Variants in LPCAT2 observed in about 807,000 individuals in gnomAD.
LPCAT2 encodes lysophosphatidylcholine acyltransferase 2.
In LPCAT2, 58 loss-of-function variants were observed where a neutral mutation model predicts 64.7. The ratio of observed to expected loss-of-function variants is 0.90; its 90% confidence interval spans 0.73 to 1.12. LPCAT2 has a LOEUF of 1.12. LPCAT2 is among the 50% of genes most tolerant of loss of function. The pLI, the probability that LPCAT2 is intolerant of heterozygous loss-of-function variation, is 0.00. For synonymous variants in LPCAT2, 252 were observed against 245.3 expected (o/e 1.03, Z -0.26); for missense variants, 579 against 669.8 (o/e 0.86, Z 1.50).
At chr16:55,569,275 C>T (rs1963743500) in intron 11 of LPCAT2, among the ~76,000 whole-genome samples, 1 of 152,156 alleles carries the variant, frequency 6.6e-6, no homozygotes, top group African/African-American at 2.4e-5. Flanking sequence ...ACAGAGATCA[C>T]ATCCACTTTC....
At chr16:55,523,937 G>A (rs1963133891) in intron 1 of LPCAT2, among the ~76,000 whole-genome samples, 2 of 151,504 alleles carry the variant, frequency 1.3e-5, no homozygotes, top group South Asian at 4.2e-4. Flanking sequence ...TTTTTTTTAA[G>A]TCTACCAAAC....
At chr16:55,543,229 C>T (rs80158238) in intron 8 of LPCAT2, among the ~76,000 whole-genome samples, 2 of 152,136 alleles carry the variant, frequency 1.3e-5, no homozygotes, top group Non-Finnish European at 2.9e-5. Flanking sequence ...ATTTTGTACT[C>T]TCAGTGGAAC....
intron 11 of LPCAT2, among the ~76,000 whole-genome samples, chr16:55,551,969 A>G (rs760038738): frequency 1.3e-4 from 20 of 152,202 alleles, no homozygotes; most frequent in Non-Finnish European, 2.4e-4. Context: ...TGATAGTAAA[A>G]TGCACTCTTT....
In LPCAT2 at chr16:55,584,033, G is replaced by A. The variant is rs1377000320; in HGVS notation, c.*935G>A. On this transcript the variant is annotated 3_prime_UTR_variant, in exon 14 of 14. Coordinates refer to ENST00000262134, the MANE Select transcript of LPCAT2 (RefSeq NM_017839.5). ...CTAAGGAAATCATATCCTTTTACAT[G>A]AACTACAGGTTTAGAACTTGGTTTT... 1 of 152,090 alleles carries A rather than the reference G, an allele frequency of 6.6e-6. No homozygotes were observed. Among genetic ancestry groups the A allele is most frequent in the Non-Finnish European group, 1.5e-5 (1 of 68,014 alleles). The allele number at this position is 152,090 out of a possible 1,614,324, so 9.4% of individuals were successfully genotyped here.
Position 55,551,077 on chromosome 16 carries a change from G to A in LPCAT2, c.1190G>A (p.Arg397Lys). 1 of 1,612,474 alleles carries A rather than the reference G, an allele frequency of 6.2e-7. No individual in the cohort carries two copies. Among genetic ancestry groups the A allele is most frequent in the South Asian group, 1.1e-5 (1 of 90,918 alleles). Residue 397 changes from arginine to lysine, a missense_variant, in exon 11 of 14, where the codon AGA becomes AAA. Coordinates refer to ENST00000262134, the MANE Select transcript of LPCAT2 (RefSeq NM_017839.5). ...YLKLPVSDVL[R>K]QLFALFDRNH... ...AAGTTGCCTGTTTCAGATGTCTTGA[G>A]ACAACTTTTTGCACTCTTTGACAGG... is the stretch of plus-strand genomic sequence containing the variant.
At chr16:55,546,721 G>A (rs1000324958) in intron 9 of LPCAT2, among the ~76,000 whole-genome samples, 3 of 152,162 alleles carry the variant, frequency 2.0e-5, no homozygotes, top group Admixed American at 1.3e-4. Context: ...GCTATTAAGT[G>A]TATATAGATG....
At chr16:55,545,278 A>G (rs16955381) in intron 8 of LPCAT2, among the ~76,000 whole-genome samples, 3,130 of 152,308 alleles carry the variant, frequency 0.021, 49 homozygotes, top group South Asian at 0.032. Flanking sequence ...AATAGTAAAA[A>G]TATGGTTGAC....
rs1478449606 is a variant in LPCAT2 at position 55,583,198 on chromosome 16, T to C, written c.*100T>C. On this transcript the variant is annotated 3_prime_UTR_variant, in exon 14 of 14. Transcript: ENST00000262134. ...AATGTGTTGGTAATGATGTTTAAAA[T>C]TGAAAGATTTTTAAAACAAAAATGA... is the stretch of plus-strand genomic sequence containing the variant. 3 of 903,098 alleles carry C rather than the reference T, an allele frequency of 3.3e-6. No homozygotes were observed. Among genetic ancestry groups the C allele is most frequent in the Admixed American group, 3.1e-5 (1 of 32,508 alleles). The allele number at this position is 903,098 out of a possible 1,614,324, so 55.9% of individuals were successfully genotyped here. A position where few individuals can be genotyped will look rare whatever the true frequency, so the allele number is the denominator to read the frequency against.
At chr16:55,543,345 T>C (rs920313304) in intron 8 of LPCAT2, among the ~76,000 whole-genome samples, 1 of 152,210 alleles carries the variant, frequency 6.6e-6, no homozygotes. Context: ...TATTTCATTG[T>C]ATTATGTTTG....
chr16:55,567,677 T>TTTTTATA lies in LPCAT2; in HGVS notation c.1216-6953_1216-6952insTTTATAT, dbSNP rs1963721920. ...TTTACTGCTGAATTAAAACAGATAT[T>TTTTTATA]TCACGAAAAATGTTCTGAGTGGTTT... is the stretch of plus-strand genomic sequence containing the variant. On this transcript the variant is annotated intron_variant, in intron 11 of 13. Coordinates refer to ENST00000262134, the MANE Select transcript of LPCAT2 (RefSeq NM_017839.5). The TTTTTATA allele has an allele frequency of 7.7e-5, 50 of 650,578 alleles. 1 individual carries two copies. In the South Asian group the frequency reaches 9.8e-4, roughly 13 times the overall value. 40.3% of individuals were successfully genotyped at this position (650,578 alleles called of 1,614,324 possible). A position where few individuals can be genotyped will look rare whatever the true frequency, so the allele number is the denominator to read the frequency against.
intron 2 of LPCAT2, among the ~76,000 whole-genome samples, chr16:55,528,046 G>T (rs768880184): frequency 2.0e-5 from 3 of 152,192 alleles, no homozygotes; most frequent in Non-Finnish European, 4.4e-5. Context: ...GAATGATGGA[G>T]CTGTTTCTTA....
intron 1 of LPCAT2, 53 bp downstream of exon 1, chr16:55,509,405 AG>A: frequency 5.0e-6 from 5 of 993,096 alleles, no homozygotes; most frequent in Admixed American, 9.5e-5. Context: ...CCTAGGTCAG[AG>A]GGGGGTCCAG....
intron 4 of LPCAT2, among the ~76,000 whole-genome samples, chr16:55,530,476 C>T (rs890462822): frequency 2.3e-5 from 3 of 127,850 alleles, no homozygotes; most frequent in Non-Finnish European, 5.2e-5. Context: ...CCACTCCCTT[C>T]CCTGGAATGC....
intron 11 of LPCAT2, among the ~76,000 whole-genome samples, chr16:55,559,843 T>G (rs369081544): frequency 1.3e-5 from 2 of 152,098 alleles, no homozygotes; most frequent in African/African-American, 4.8e-5. Context: ...TAAGCTGCCT[T>G]GAAAGTTTGG....
At chr16:55,516,794 AGATATGTATGTAGAACACTC>A (rs1963018577) in intron 1 of LPCAT2, among the ~76,000 whole-genome samples, 1 of 152,220 alleles carries the variant, frequency 6.6e-6, no homozygotes, top group Admixed American at 6.5e-5. Flanking sequence ...TAGATCTAAC[AGATATGTATGTAGAACACTC>A]AACAACAGCA....
At chr16:55,514,249 T>C (rs1962975108) in intron 1 of LPCAT2, among the ~76,000 whole-genome samples, 1 of 152,142 alleles carries the variant, frequency 6.6e-6, no homozygotes, top group African/African-American at 2.4e-5. Context: ...TTCTCAAGGC[T>C]ATGCACATGT....
At position 55,582,986 on chromosome 16, in the gene LPCAT2, C is replaced by A. The variant is rs772603938; in HGVS notation, c.1523C>A (p.Thr508Lys). 6.2e-7 allele frequency: 1 copy of A among 1,613,644 alleles called. No individual in the cohort carries two copies. Among genetic ancestry groups the A allele is most frequent in the East Asian group, 2.2e-5 (1 of 44,842 alleles). Residue 508 changes from threonine (T) to lysine (K), a missense_variant, in exon 14 of 14, where the codon ACG (threonine) becomes AAG (lysine). Coordinates refer to ENST00000262134, the MANE Select transcript of LPCAT2 (RefSeq NM_017839.5). Reference sequence around the variant, plus strand: ...TTTACAACATACCTAGACCTCCAGACGTGCCATGTGTTTTCATTACCAAAA... The same window carrying A: ...TTTACAACATACCTAGACCTCCAGAAGTGCCATGTGTTTTCATTACCAAAA... ...KIFTTYLDLQ[T>K]CHVFSLPKEV... is the part of the protein sequence containing the mutation.
At chr16:55,516,390 C>G (rs1465385503) in intron 1 of LPCAT2, among the ~76,000 whole-genome samples, 1 of 152,188 alleles carries the variant, frequency 6.6e-6, no homozygotes, top group Non-Finnish European at 1.5e-5. Flanking sequence ...TAGGTGTGAG[C>G]CACCATGCCT....
At chr16:55,510,122 A>AGCAT (rs1962910141) in intron 1 of LPCAT2, among the ~76,000 whole-genome samples, 1 of 150,098 alleles carries the variant, frequency 6.7e-6, no homozygotes, top group Non-Finnish European at 1.5e-5. Context: ...GCTGAGCAGG[A>AGCAT]GCATGATGGA....
Sources: allele counts gnomAD v4.1 joint callset (sites outside exome capture counted in the v4.1 genomes callset), GRCh38; gene constraint gnomAD v4.1.1; transcripts MANE v1.5; gene names NCBI Gene and HGNC (gene_info 2026-07-23, HGNC 2026-07-21).